The following ARHGAP25 variants were observed in gnomAD, a reference collection of about 807,000 sequenced individuals.
ARHGAP25 encodes the protein Rho GTPase activating protein 25, also known as rho GTPase-activating protein 25.
Under a neutral mutation model 71.0 loss-of-function variants are expected in ARHGAP25, and 34 were observed. The ratio of observed to expected loss-of-function variants is 0.48; its 90% CI spans 0.36 to 0.64. ARHGAP25 has a LOEUF of 0.64. ARHGAP25 is among the 30% of genes least tolerant of loss of function. The pLI, the probability that ARHGAP25 is intolerant of heterozygous loss-of-function variation, is 0.00. For synonymous variants in ARHGAP25, 282 were observed against 296.5 expected (o/e 0.95, Z 0.50); for missense variants, 706 against 805.1 (o/e 0.88, Z 1.49).
At chr2:68,752,334 A>G (rs1252256042) in intron 1 of ARHGAP25, among the ~76,000 whole-genome samples, 33 of 149,698 alleles carry the variant, frequency 2.2e-4, no homozygotes, top group Admixed American at 2.2e-3. Flanking sequence ...GAAAAAAAAG[A>G]GAAATATTAT....
intron 1 of ARHGAP25, among the ~76,000 whole-genome samples, chr2:68,768,565 T>C (rs1338323731): frequency 1.3e-5 from 2 of 152,222 alleles, no homozygotes; most frequent in African/African-American, 4.8e-5. Flanking sequence ...TCTCAGTTTA[T>C]CCCCACAGCC....
intron 4 of ARHGAP25, among the ~76,000 whole-genome samples, chr2:68,805,768 G>A (rs988498887): frequency 6.6e-6 from 1 of 152,210 alleles, no homozygotes; most frequent in Non-Finnish European, 1.5e-5. Flanking sequence ...CTCGAGGTGG[G>A]ATGGAGGGGA....
intron 2 of ARHGAP25, among the ~76,000 whole-genome samples, chr2:68,717,258 A>G (rs1674635122): frequency 6.6e-6 from 1 of 152,180 alleles, no homozygotes; most frequent in African/African-American, 2.4e-5. Flanking sequence ...TGAAACCACT[A>G]CTGTATATGG....
At chr2:68,752,733 A>G (rs969701516) in intron 1 of ARHGAP25, among the ~76,000 whole-genome samples, 1 of 57,312 alleles carries the variant, frequency 1.7e-5, no homozygotes, top group Non-Finnish European at 3.7e-5. Context: ...GAGAACTCAA[A>G]ACCTGCAAAA....
rs563920002 is a variant in ARHGAP25 at position 68,742,757 on chromosome 2, C to T, written c.61+7497C>T. On this transcript the variant is annotated intron_variant, in intron 1 of 10. Transcript: ENST00000409202. ...TTAGTTCTTCATTCTTTTCTTTAGA[C>T]ATATGGTCTTTACAACATCTGCAGA... Among the ~76,000 whole-genome samples, 222 of 152,306 alleles carry T rather than the reference C, an allele frequency of 1.5e-3. 1 individual carries two copies. Among genetic ancestry groups the T allele is most frequent in the Non-Finnish European group, 2.6e-3 (177 of 68,022 alleles).
intron 4 of ARHGAP25, among the ~76,000 whole-genome samples, chr2:68,788,698 A>G (rs1259391260): frequency 6.6e-6 from 1 of 152,240 alleles, no homozygotes; most frequent in Admixed American, 6.5e-5. Context: ...ACCGACAGGT[A>G]TGAGTTCTCA....
At chr2:68,808,023 C>A (rs147483610) in intron 5 of ARHGAP25, among the ~76,000 whole-genome samples, 17 of 152,286 alleles carry the variant, frequency 1.1e-4, no homozygotes, top group African/African-American at 4.1e-4. Flanking sequence ...ATATCTTGGC[C>A]GCCTGGCATT....
chr2:68,742,245 TC>T (rs1484116635), intron 1 of ARHGAP25, among the ~76,000 whole-genome samples: 14 of 152,238 alleles, frequency 9.2e-5, no homozygotes, highest in African/African-American at 3.1e-4. Flanking sequence ...GTTTGGAGTT[TC>T]AAAGTGAAAG....
upstream of ARHGAP25, among the ~76,000 whole-genome samples, chr2:68,732,534 C>T (rs966928782): frequency 1.3e-5 from 2 of 152,202 alleles, no homozygotes; most frequent in South Asian, 2.1e-4. Flanking sequence ...TGCAATGTCT[C>T]CAAGTAGCTG....
intron 1 of ARHGAP25, among the ~76,000 whole-genome samples, chr2:68,759,558 A>G (rs938299011): frequency 1.3e-5 from 2 of 151,952 alleles, no homozygotes; most frequent in African/African-American, 4.8e-5. Context: ...GAAAAGAATA[A>G]AATCTGAATA....
chr2:68,821,906 G>GTTTTTTTTTTTT (rs59964574), intron 9 of ARHGAP25, among the ~76,000 whole-genome samples: 3 of 81,642 alleles, frequency 3.7e-5, no homozygotes, highest in African/African-American at 1.0e-4. Flanking sequence ...CTTTTTGCTA[G>GTTTTTTTTTTTT]TTTTTTTTTT....
Position 68,826,359 on chromosome 2 carries a change from G to T in ARHGAP25, c.*165G>T, listed in dbSNP as rs1682135404. The T allele has an allele frequency of 2.7e-6, 2 of 734,316 alleles. No individual in the cohort carries two copies. Among genetic ancestry groups the T allele is most frequent in the Non-Finnish European group, 4.8e-6 (2 of 414,510 alleles). 45.5% of individuals were successfully genotyped at this position (734,316 alleles called of 1,614,324 possible). On this transcript the variant is annotated 3_prime_UTR_variant, in exon 11 of 11. Transcript: ENST00000409202. ...ATAAATGAATGGAGTTTGCAGGAAG[G>T]TGAGGGTGAGCAGAGATGTGTGTGG...
chr2:68,785,764 G>A (rs1678715928), intron 3 of ARHGAP25, among the ~76,000 whole-genome samples: 1 of 152,144 alleles, frequency 6.6e-6, no homozygotes, highest in South Asian at 2.1e-4. Flanking sequence ...TAAAGAATGG[G>A]TAGGAGTTCT....
intron 6 of ARHGAP25, among the ~76,000 whole-genome samples, chr2:68,814,295 G>A (rs1465578708): frequency 6.6e-6 from 1 of 152,130 alleles, no homozygotes; most frequent in Non-Finnish European, 1.5e-5. Flanking sequence ...ACTTTCTATG[G>A]TAATGGAACT....
At chr2:68,748,150 G>A (rs1675948944) in intron 1 of ARHGAP25, among the ~76,000 whole-genome samples, 1 of 152,054 alleles carries the variant, frequency 6.6e-6, no homozygotes, top group Non-Finnish European at 1.5e-5. Flanking sequence ...CTCCCACACT[G>A]TGTCCCAGCC....
chr2:68,780,057 G>C (rs1678211172), intron 2 of ARHGAP25, among the ~76,000 whole-genome samples: 1 of 152,144 alleles, frequency 6.6e-6, no homozygotes, highest in Non-Finnish European at 1.5e-5. Context: ...TTATTATCTA[G>C]CTTTTGTGAT....
At chr2:68,724,006 T>C (rs1674825873) in intron 2 of ARHGAP25, among the ~76,000 whole-genome samples, 1 of 152,094 alleles carries the variant, frequency 6.6e-6, no homozygotes, top group African/African-American at 2.4e-5. Context: ...CCTGAGTAGC[T>C]GGGACTACAG....
At chr2:68,719,044 T>C (rs1216798461) in intron 2 of ARHGAP25, among the ~76,000 whole-genome samples, 1 of 152,122 alleles carries the variant, frequency 6.6e-6, no homozygotes, top group African/African-American at 2.4e-5. Context: ...AACACATCCA[T>C]GTACCAGAAG....
intron 10 of ARHGAP25, among the ~76,000 whole-genome samples, 181 bp from the exon 11 acceptor site, chr2:68,825,806 A>C (rs1048376035): frequency 2.6e-5 from 4 of 152,042 alleles, no homozygotes; most frequent in Admixed American, 6.6e-5. Flanking sequence ...AGGGGCTCAG[A>C]AGTACTGTGG....
Sources: allele counts gnomAD v4.1 joint callset (sites outside exome capture counted in the v4.1 genomes callset), GRCh38; gene constraint gnomAD v4.1.1; transcripts MANE v1.5; gene names NCBI Gene and HGNC (gene_info 2026-07-23, HGNC 2026-07-21).